PIK3C2B: variants seen among roughly 807,000 people sequenced by gnomAD.
The protein encoded by PIK3C2B is phosphatidylinositol 4-phosphate 3-kinase C2 domain-containing subunit beta.
A neutral mutation model predicts 184.3 loss-of-function variants in PIK3C2B; 83 were observed. That is an observed-to-expected ratio of 0.45 (90% CI 0.38 to 0.54). PIK3C2B has a LOEUF of 0.54. Among genes scored for constraint, PIK3C2B ranks in the 20% least tolerant of loss-of-function variants. The pLI is 0.00. For synonymous variants in PIK3C2B, 779 were observed against 837.6 expected, an observed-to-expected ratio of 0.93 and a Z score of 1.21; for missense variants, 1,736 against 2,113.5, an observed-to-expected ratio of 0.82 and a Z score of 3.50.
intron 22 of PIK3C2B, among the ~76,000 whole-genome samples, chr1:204,439,916 G>A (rs575755114): frequency 4.8e-4 from 73 of 152,290 alleles, no homozygotes; most frequent in Middle Eastern, 6.8e-3. Context: ...GCATGAGCTA[G>A]CATGTCTGGC....
At position 204,424,305 on chromosome 1, in the gene PIK3C2B, A is replaced by G. The variant is rs758262840; in HGVS notation, c.*547T>C. On this transcript the variant is annotated 3_prime_UTR_variant, in exon 33 of 33. Transcript: ENST00000684373. The stretch of plus-strand genomic sequence containing the variant: ...CTGGGCCCCTCCCCAGATAGTTCCT[A>G]TAGCTAGAAAACGAAACAACAACAA... The G allele has an allele frequency of 9.7e-6, 2 of 206,516 alleles. No individual in the cohort carries two copies. The highest frequency in any genetic ancestry group is 2.0e-5 in the Non-Finnish European group (2 of 99,918). The allele number at this position is 206,516 out of a possible 1,614,324, so 12.8% of individuals were successfully genotyped here. A position where few individuals can be genotyped will look rare whatever the true frequency, so the allele number is the denominator to read the frequency against.
chr1:204,487,287 T>C (rs913838529), intron 1 of PIK3C2B, among the ~76,000 whole-genome samples: 1 of 152,234 alleles, frequency 6.6e-6, no homozygotes, highest in Non-Finnish European at 1.5e-5. Flanking sequence ...TAAATTTTTG[T>C]ATAGATAAAT....
At chr1:204,448,433 T>C (rs1328904928) in intron 14 of PIK3C2B, among the ~76,000 whole-genome samples, 1 of 152,112 alleles carries the variant, frequency 6.6e-6, no homozygotes, top group Admixed American at 6.5e-5. Flanking sequence ...AATCCTAACA[T>C]GTGCCAGGCA....
At chr1:204,442,750 G>A in intron 19 of PIK3C2B, 117 bp from the exon 20 acceptor site, 2 of 660,912 alleles carry the variant, frequency 3.0e-6, no homozygotes, top group East Asian at 5.6e-5. Flanking sequence ...CCCCTGAGAA[G>A]TGTGGACACC....
chr1:204,440,426 T>C (rs1675587293), intron 21 of PIK3C2B, 105 bp from the exon 22 acceptor site: 1 of 1,225,916 alleles, frequency 8.2e-7, no homozygotes, highest in Admixed American at 2.5e-5. Flanking sequence ...GACAGGGAGT[T>C]CCCCAGCCTC....
At chr1:204,460,295 A>T (rs776893407) in intron 7 of PIK3C2B, 29 bp downstream of exon 7, 16 of 1,545,814 alleles carry the variant, frequency 1.0e-5, no homozygotes, top group Non-Finnish European at 1.4e-5. Context: ...TCTTGTTTGG[A>T]GCACATCCAA....
At chr1:204,472,705 G>A (rs1050056002) in intron 1 of PIK3C2B, among the ~76,000 whole-genome samples, 5 of 152,060 alleles carry the variant, frequency 3.3e-5, no homozygotes, top group East Asian at 1.9e-4. Context: ...ACTTGAACCC[G>A]GGAGGCGGAG....
rs531950954 is a variant in PIK3C2B at position 204,494,448 on chromosome 1, G to A, written c.-177C>T. 7 of 152,490 alleles carry A rather than the reference G, an allele frequency of 4.6e-5. No homozygotes were observed. The highest frequency in any genetic ancestry group is 1.4e-4 in the African/African-American group (6 of 41,570). The allele number at this position is 152,490 out of a possible 1,614,324, so 9.4% of individuals were successfully genotyped here. A position where few individuals can be genotyped will look rare whatever the true frequency, so the allele number is the denominator to read the frequency against. Reference sequence around the variant, plus strand: ...TCCGCGCCTCCCGGGCTCGCTCTGCGGCTCCAGGCGCCTCTTGCACCAGCG... The same window carrying A: ...TCCGCGCCTCCCGGGCTCGCTCTGCAGCTCCAGGCGCCTCTTGCACCAGCG... On this transcript the variant is annotated 5_prime_UTR_variant, in exon 1 of 33. Transcript: ENST00000684373.
At chr1:204,480,372 C>T (rs1657025986) in intron 1 of PIK3C2B, among the ~76,000 whole-genome samples, 1 of 152,180 alleles carries the variant, frequency 6.6e-6, no homozygotes, top group Non-Finnish European at 1.5e-5. Context: ...GAGGACCACT[C>T]AGGCTAAGTG....
chr1:204,477,661 T>C (rs1656816932), intron 1 of PIK3C2B, among the ~76,000 whole-genome samples: 1 of 152,074 alleles, frequency 6.6e-6, no homozygotes, highest in Non-Finnish European at 1.5e-5. Context: ...AGCCAGTGGG[T>C]GGTGAGGGTT....
rs1288943546 is a variant in PIK3C2B at position 204,494,760 on chromosome 1, G to A, written c.-489C>T. 1 of 152,152 alleles carries A rather than the reference G, an allele frequency of 6.6e-6. No homozygotes were observed. The highest frequency in any genetic ancestry group is 1.9e-4 in the East Asian group (1 of 5,172). 9.4% of individuals were successfully genotyped at this position (152,152 alleles called of 1,614,324 possible). A position where few individuals can be genotyped will look rare whatever the true frequency, so the allele number is the denominator to read the frequency against. ...GCGACGCTCGGCCAGACCCTGCCTGGACAGGCAGGCACCCGGCCGCCGGCT... is the reference window on the plus strand; with the variant it reads ...GCGACGCTCGGCCAGACCCTGCCTGAACAGGCAGGCACCCGGCCGCCGGCT... On this transcript the variant is annotated 5_prime_UTR_variant, in exon 1 of 33. Transcript: ENST00000684373.
chr1:204,434,043 T>C (rs1327284033), intron 24 of PIK3C2B, 94 bp from the exon 25 acceptor site: 2 of 970,390 alleles, frequency 2.1e-6, no homozygotes, highest in South Asian at 2.8e-5. Context: ...TCATCCCTCA[T>C]CACGTGGACA....
At chr1:204,442,678 C>T (rs951304439) in intron 19 of PIK3C2B, 45 bp from the exon 20 acceptor site, 2 of 1,327,412 alleles carry the variant, frequency 1.5e-6, no homozygotes, top group Non-Finnish European at 2.1e-6. Flanking sequence ...ATGGAGGGTC[C>T]ATACTGAGAA....
chr1:204,456,474 C>T (rs888306354), intron 10 of PIK3C2B, among the ~76,000 whole-genome samples: 3 of 152,116 alleles, frequency 2.0e-5, no homozygotes, highest in Admixed American at 6.5e-5. Flanking sequence ...GACTGGGAAT[C>T]ACCATAAGAA....
rs1396759498 is a variant in PIK3C2B at position 204,464,539 on chromosome 1, G to A, written c.1100C>T (p.Pro367Leu). The A allele has an allele frequency of 6.2e-7, 1 of 1,613,866 alleles. No homozygotes were observed. The highest frequency in any genetic ancestry group is 1.7e-5 in the Admixed American group (1 of 60,026). The change falls in exon 4 of 33, where the codon CCT (proline) becomes CTT (leucine). Residue 367 changes from proline to leucine, a missense_variant. Transcript: ENST00000684373. ...CTCATCCCCGAGGTGCTCTGGGCTAGGGGTGACAGCACTCCAGACATAGCC... is the reference window on the plus strand; with the variant it reads ...CTCATCCCCGAGGTGCTCTGGGCTAAGGGTGACAGCACTCCAGACATAGCC... Reference protein sequence around the residue: ...LTGYVWSAVTPSPEHLGDEVN... With the variant: ...LTGYVWSAVTLSPEHLGDEVN...
At chr1:204,437,607 A>C (rs747877683) in intron 23 of PIK3C2B, among the ~76,000 whole-genome samples, 5 of 152,238 alleles carry the variant, frequency 3.3e-5, no homozygotes, top group Non-Finnish European at 5.9e-5. Flanking sequence ...GCTGAACAAA[A>C]TCAATGGTAA....
chr1:204,452,997 G>T (rs538105462), intron 12 of PIK3C2B, among the ~76,000 whole-genome samples: 1 of 152,062 alleles, frequency 6.6e-6, no homozygotes, highest in Non-Finnish European at 1.5e-5. Context: ...ACCTAAGTGT[G>T]AAGGGCATGA....
chr1:204,431,642 T>C, intron 28 of PIK3C2B, 27 bp downstream of exon 28: 1 of 1,613,472 alleles, frequency 6.2e-7, no homozygotes. Flanking sequence ...GACATCCCTC[T>C]GTGCAGATAG....
At chr1:204,472,535 T>C (rs774212401) in intron 1 of PIK3C2B, among the ~76,000 whole-genome samples, 1 of 150,846 alleles carries the variant, frequency 6.6e-6, no homozygotes, top group Non-Finnish European at 1.5e-5. Context: ...TCCCAGCACT[T>C]TGGGAGGCTG....
Sources: gnomAD v4.1 joint callset for allele counts (sites outside exome capture counted in the v4.1 genomes callset) on GRCh38, gnomAD v4.1.1 for gene constraint, MANE v1.5 for transcripts, NCBI Gene and HGNC (gene_info 2026-07-23, HGNC 2026-07-21) for gene names.